Variants in ADAM12 observed in about 807,000 individuals in gnomAD.
The protein encoded by ADAM12 is ADAM metallopeptidase domain 12.
Under a neutral mutation model 106.4 loss-of-function variants are expected in ADAM12, and 70 were observed. That is an observed-to-expected ratio of 0.66 (90% CI 0.54 to 0.80). The LOEUF is 0.80. ADAM12 is among the 30% of genes least tolerant of loss of function. ADAM12 has a pLI of 0.00. For missense variants in ADAM12, 1,010 were observed against 1,171.9 expected (o/e 0.86, Z 2.02); for synonymous variants, 420 against 433.5 (o/e 0.97, Z 0.39).
chr10:126,246,972 T>A (rs909238937), intron 3 of ADAM12, among the ~76,000 whole-genome samples: 23 of 152,208 alleles, frequency 1.5e-4, no homozygotes, highest in Non-Finnish European at 2.2e-4. Flanking sequence ...TGATTCTATA[T>A]CTATTTCTAG....
chr10:126,057,531 A>G lies in ADAM12; in HGVS notation c.1609+7275T>C, dbSNP rs375960468. Among the ~76,000 whole-genome samples the G allele has an allele frequency of 2.4e-4, 37 of 152,268 alleles. No individual in the cohort carries two copies. The South Asian group carries it at 7.2e-3, about 30-fold the overall frequency. On this transcript the variant is annotated intron_variant, in intron 14 of 22. Coordinates refer to ENST00000448723, the MANE Select transcript of ADAM12 (RefSeq NM_001288973.2). The stretch of plus-strand genomic sequence containing the variant: ...AGGCTAAGGGGTTTCAAATGAACCA[A>G]ACTTCTAAGGACGCAGCGGCCGGAA...
intron 14 of ADAM12, among the ~76,000 whole-genome samples, chr10:126,060,103 C>A (rs547219955): frequency 1.3e-5 from 2 of 152,108 alleles, no homozygotes; most frequent in African/African-American, 4.8e-5. Flanking sequence ...CGAGAACGTA[C>A]GTTATCAACA....
At position 126,049,752 on chromosome 10, in the gene ADAM12, G is replaced by C. The variant is rs969528984; in HGVS notation, c.1610-83C>G. 9.1e-6 allele frequency: 11 copies of C among 1,214,016 alleles called. No homozygotes were observed. In the South Asian group the frequency reaches 1.5e-4, roughly 16 times the overall value. 75.2% of individuals were successfully genotyped at this position (1,214,016 alleles called of 1,614,324 possible). ...GGCTGTAGGCCTCTCAAATGGTTACGGGGAGACGTGCTCAAAGCAATCACA... is the reference window on the plus strand; with the variant it reads ...GGCTGTAGGCCTCTCAAATGGTTACCGGGAGACGTGCTCAAAGCAATCACA... On this transcript the variant is annotated intron_variant, in intron 14 of 22. Coordinates refer to ENST00000448723, the MANE Select transcript of ADAM12 (RefSeq NM_001288973.2). The surrounding 1 kb of genome is among the most constrained non-coding windows in gnomAD (Gnocchi z 4.4).
At chr10:126,375,909 C>CT (rs111857581) in intron 1 of ADAM12, among the ~76,000 whole-genome samples, 1,990 of 145,100 alleles carry the variant, frequency 0.014, 44 homozygotes, top group African/African-American at 0.042. Flanking sequence ...ACATATATGA[C>CT]TTTTTTTTTT....
At chr10:126,290,902 C>T (rs1401136612) in intron 2 of ADAM12, among the ~76,000 whole-genome samples, 2 of 152,154 alleles carry the variant, frequency 1.3e-5, no homozygotes, top group Admixed American at 6.5e-5. Context: ...AGATGCAGCA[C>T]AAAATATGTG....
intron 11 of ADAM12, among the ~76,000 whole-genome samples, chr10:126,092,220 C>G (rs1457385898): frequency 3.3e-5 from 5 of 152,138 alleles, no homozygotes; most frequent in Admixed American, 3.3e-4. Flanking sequence ...TGTATTTGTG[C>G]CCATCTGATG....
intron 4 of ADAM12, among the ~76,000 whole-genome samples, chr10:126,137,120 G>A (rs1255080717): frequency 1.3e-5 from 2 of 152,080 alleles, no homozygotes; most frequent in Non-Finnish European, 2.9e-5. Context: ...GGGACTGTGA[G>A]GTTCAATGCT....
intron 2 of ADAM12, among the ~76,000 whole-genome samples, chr10:126,298,023 C>A (rs187912662): frequency 2.0e-5 from 3 of 151,946 alleles, no homozygotes; most frequent in Non-Finnish European, 4.4e-5. Context: ...GGAGAGAGGG[C>A]GAATGAGAAG....
intron 1 of ADAM12, among the ~76,000 whole-genome samples, chr10:126,354,994 T>C (rs1002713519): frequency 6.6e-6 from 1 of 152,160 alleles, no homozygotes; most frequent in African/African-American, 2.4e-5. Context: ...CTTATGTCAA[T>C]TGTCAAATAG....
chr10:126,176,399 C>T (rs1957220596), intron 3 of ADAM12, among the ~76,000 whole-genome samples: 1 of 152,128 alleles, frequency 6.6e-6, no homozygotes, highest in African/African-American at 2.4e-5. Flanking sequence ...CTAGGGTATT[C>T]ATTTATAGGT....
chr10:126,259,316 A>G (rs1300294277), intron 3 of ADAM12, among the ~76,000 whole-genome samples: 1 of 151,884 alleles, frequency 6.6e-6, no homozygotes, highest in African/African-American at 2.4e-5. Context: ...CAGACGAAAA[A>G]CCCTTCTTAA....
intron 21 of ADAM12, among the ~76,000 whole-genome samples, chr10:126,022,268 A>G (rs1465540057): frequency 6.6e-6 from 1 of 152,212 alleles, no homozygotes; most frequent in Non-Finnish European, 1.5e-5. Context: ...GATAAATTAT[A>G]TGGTCACCAT....
At chr10:126,342,425 A>G (rs1854963063) in intron 1 of ADAM12, among the ~76,000 whole-genome samples, 1 of 152,228 alleles carries the variant, frequency 6.6e-6, no homozygotes, top group Non-Finnish European at 1.5e-5. Context: ...ATTCTATTCA[A>G]TTTGACAGAT....
At chr10:126,032,732 T>TGA (rs1953992616) in intron 21 of ADAM12, among the ~76,000 whole-genome samples, 1 of 152,202 alleles carries the variant, frequency 6.6e-6, no homozygotes, top group Non-Finnish European at 1.5e-5. Flanking sequence ...TTTTATGAGT[T>TGA]CATAGCTTTT....
chr10:126,128,937 G>A (rs779173908), intron 5 of ADAM12, among the ~76,000 whole-genome samples: 13 of 151,644 alleles, frequency 8.6e-5, no homozygotes, highest in East Asian at 1.9e-4. Context: ...TGTGGTGCGC[G>A]TGTGGGAATG....
At chr10:126,269,556 C>A (rs563236732) in intron 3 of ADAM12, among the ~76,000 whole-genome samples, 1 of 152,132 alleles carries the variant, frequency 6.6e-6, no homozygotes, top group African/African-American at 2.4e-5. Flanking sequence ...CCATCCCGGT[C>A]GCACCAGGAG....
At chr10:126,171,436 C>T (rs974160527) in intron 3 of ADAM12, among the ~76,000 whole-genome samples, 1 of 152,172 alleles carries the variant, frequency 6.6e-6, no homozygotes, top group Non-Finnish European at 1.5e-5. Context: ...TAATTCATTA[C>T]ATTTATGAAA....
chr10:126,042,640 G>T (rs1246870574), intron 18 of ADAM12, among the ~76,000 whole-genome samples: 2 of 152,198 alleles, frequency 1.3e-5, no homozygotes, highest in Non-Finnish European at 2.9e-5. Flanking sequence ...TAAGAGGTGG[G>T]TGTCTTTCCA....
At chr10:126,156,433 G>A (rs781379419) in intron 3 of ADAM12, among the ~76,000 whole-genome samples, 1 of 152,212 alleles carries the variant, frequency 6.6e-6, no homozygotes, top group African/African-American at 2.4e-5. Flanking sequence ...GGGCGCACAC[G>A]AAGTAACCAA....
Sources: gnomAD v4.1 joint callset for allele counts (sites outside exome capture counted in the v4.1 genomes callset) on GRCh38, gnomAD v4.1.1 for gene constraint, Gnocchi (gnomAD v3.1) non-coding constraint, MANE v1.5 for transcripts, NCBI Gene and HGNC (gene_info 2026-07-23, HGNC 2026-07-21) for gene names.